The following ROBO2 variants were observed in gnomAD, a reference collection of about 807,000 sequenced individuals.
ROBO2 encodes the protein roundabout guidance receptor 2.
ROBO2 carries 53 observed loss-of-function variants against 160.8 expected under a neutral mutation model. That is an observed-to-expected ratio of 0.33 (90% CI 0.26 to 0.41). ROBO2 has a LOEUF of 0.41. Among genes scored for constraint, ROBO2 ranks in the 10% least tolerant of loss-of-function variants. The pLI is 1.00. For synonymous variants in ROBO2, 664 were observed against 611.7 expected (o/e 1.09, Z -1.26); for missense variants, 1,577 against 1,722.4 (o/e 0.92, Z 1.49).
intron 2 of ROBO2, among the ~76,000 whole-genome samples, chr3:75,952,733 C>T (rs1405075643): frequency 2.6e-5 from 4 of 151,998 alleles, no homozygotes; most frequent in African/African-American, 9.7e-5. Context: ...ATCCTCACTA[C>T]AGTGTCATAC....
At chr3:76,028,857 G>T (rs2066828261) in intron 2 of ROBO2, among the ~76,000 whole-genome samples, 1 of 151,970 alleles carries the variant, frequency 6.6e-6, no homozygotes, top group South Asian at 2.1e-4. Flanking sequence ...TGGGTTATTT[G>T]AATGTGTTCT....
intron 2 of ROBO2, among the ~76,000 whole-genome samples, chr3:76,517,383 G>C (rs746925952): frequency 6.6e-6 from 1 of 152,182 alleles, no homozygotes; most frequent in African/African-American, 2.4e-5. Flanking sequence ...CACTGACCTG[G>C]TGGCTTTGCA....
intron 4 of ROBO2, among the ~76,000 whole-genome samples, chr3:77,487,193 G>T (rs1395527537): frequency 2.6e-5 from 4 of 152,062 alleles, no homozygotes; most frequent in Admixed American, 2.0e-4. Flanking sequence ...GTAGCATGTG[G>T]TATAAGAACA....
chr3:77,035,917 T>C (rs1027410137), upstream of ROBO2, among the ~76,000 whole-genome samples: 4 of 152,000 alleles, frequency 2.6e-5, no homozygotes, highest in East Asian at 3.8e-4. Flanking sequence ...CAATCTTATA[T>C]AGAAAAATTC....
intron 2 of ROBO2, among the ~76,000 whole-genome samples, chr3:77,415,999 C>T (rs1438118700): frequency 6.6e-6 from 1 of 152,162 alleles, no homozygotes; most frequent in Non-Finnish European, 1.5e-5. Context: ...TACAGTGTTA[C>T]AGCTCTTTTT....
At chr3:77,481,606 T>TA (rs141795205) in intron 4 of ROBO2, among the ~76,000 whole-genome samples, 1 of 152,136 alleles carries the variant, frequency 6.6e-6, no homozygotes, top group Non-Finnish European at 1.5e-5. Context: ...GAGTATAGTA[T>TA]AAAAAAACTT....
intron 2 of ROBO2, among the ~76,000 whole-genome samples, chr3:76,730,278 A>C (rs1193258145): frequency 1.6e-5 from 1 of 62,670 alleles, no homozygotes; most frequent in Non-Finnish European, 2.9e-5. Context: ...CCTACTCCCT[A>C]CCCGCTTGTC....
chr3:76,191,718 G>T (rs2107181062), intron 2 of ROBO2, among the ~76,000 whole-genome samples: 1 of 152,024 alleles, frequency 6.6e-6, no homozygotes, highest in Admixed American at 6.6e-5. Flanking sequence ...AATGAAATTA[G>T]AATTGATTTT....
exon 3 of ROBO2, chr3:77,477,561 A>G: frequency 6.2e-7 from 1 of 1,614,124 alleles, no homozygotes; most frequent in Non-Finnish European, 8.5e-7. Flanking sequence ...GACAAGGAAG[A>G]AAGAATAAGT....
At chr3:76,981,350 C>T (rs1474694951) in intron 2 of ROBO2, among the ~76,000 whole-genome samples, 1 of 152,170 alleles carries the variant, frequency 6.6e-6, no homozygotes, top group Non-Finnish European at 1.5e-5. Context: ...ATATCCTCCA[C>T]AGCACTTTTT....
intron 2 of ROBO2, among the ~76,000 whole-genome samples, chr3:76,383,197 A>T (rs572728411): frequency 1.3e-5 from 2 of 152,308 alleles, no homozygotes; most frequent in African/African-American, 4.8e-5. Context: ...CAAGGCTCAG[A>T]TATGTTTTGT....
rs58418745 is a variant in ROBO2 at position 77,117,253 on chromosome 3, G to T, written c.388+18913G>T. On this transcript the variant is annotated intron_variant, in intron 2 of 25. Transcript: ENST00000461745. ...ACATATAAAAATAAAAATATTACTT[G>T]TTTCAAAATATTCTATTAAAAAATT... Among the ~76,000 whole-genome samples the T allele has an allele frequency of 5.7e-3, 873 of 152,190 alleles. 10 individuals are homozygous for T. The highest frequency in any genetic ancestry group is 0.02 in the African/African-American group (848 of 41,540).
intron 2 of ROBO2, among the ~76,000 whole-genome samples, chr3:76,178,682 C>A (rs1238951469): frequency 6.6e-6 from 1 of 152,130 alleles, no homozygotes; most frequent in Non-Finnish European, 1.5e-5. Context: ...CAGTGGCTCA[C>A]GCCTGTAATC....
At chr3:76,305,632 G>T (rs1412358503) in intron 2 of ROBO2, among the ~76,000 whole-genome samples, 1 of 150,960 alleles carries the variant, frequency 6.6e-6, no homozygotes, top group Non-Finnish European at 1.5e-5. Flanking sequence ...GGTGGTGGGT[G>T]CTTGTAATCC....
chr3:77,152,822 A>T (rs1337779889), intron 2 of ROBO2, among the ~76,000 whole-genome samples: 3 of 152,238 alleles, frequency 2.0e-5, no homozygotes, highest in Admixed American at 6.5e-5. Context: ...GCAAAGCTCA[A>T]TTTTTTTAGT....
At chr3:75,929,693 AC>A (rs1947451993) in intron 1 of ROBO2, among the ~76,000 whole-genome samples, 1 of 147,486 alleles carries the variant, frequency 6.8e-6, no homozygotes, top group Non-Finnish European at 1.5e-5. Flanking sequence ...CTTCCTGGGC[AC>A]TCTTGTCTTT....
exon 22 of ROBO2, chr3:77,617,740 G>A (rs1314499942): frequency 6.2e-7 from 1 of 1,613,716 alleles, no homozygotes; most frequent in Non-Finnish European, 8.5e-7. Context: ...GAGTTGACAA[G>A]AGCCTATCAG....
At chr3:77,214,842 T>C (rs1327624859) in intron 2 of ROBO2, among the ~76,000 whole-genome samples, 1 of 152,188 alleles carries the variant, frequency 6.6e-6, no homozygotes, top group Non-Finnish European at 1.5e-5. Context: ...CTTATGAAGC[T>C]TAGTTTGGCT....
At chr3:76,068,409 C>A in intron 2 of ROBO2, among the ~76,000 whole-genome samples, 1 of 152,200 alleles carries the variant, frequency 6.6e-6, no homozygotes, top group East Asian at 1.9e-4. Context: ...TGGCTTAATA[C>A]GAGAAAATAT....
Sources: allele counts gnomAD v4.1 joint callset (sites outside exome capture counted in the v4.1 genomes callset), GRCh38; gene constraint gnomAD v4.1.1; transcripts MANE v1.5; gene names NCBI Gene and HGNC (gene_info 2026-07-23, HGNC 2026-07-21).